Variants in RHOBTB2 observed in about 807,000 individuals in gnomAD.
RHOBTB2 encodes the protein Rho related BTB domain containing 2, also known as rho-related BTB domain-containing protein 2.
A neutral mutation model predicts 66.5 loss-of-function variants in RHOBTB2; 39 were observed. The ratio of observed to expected loss-of-function variants is 0.59; its 90% confidence interval spans 0.45 to 0.77. RHOBTB2 has a LOEUF of 0.77. Ranked by LOEUF, RHOBTB2 falls within the 30% of genes least tolerant of loss-of-function variation. The pLI is 0.00. For synonymous variants in RHOBTB2, 390 were observed against 395.0 expected (o/e 0.99, Z 0.15); for missense variants, 755 against 999.1 (o/e 0.76, Z 3.29).
At chr8:22,964,819 TA>T in the RHOBTB2 span, among the ~76,000 whole-genome samples, 2 of 128,046 alleles carry the variant, frequency 1.6e-5, no homozygotes, top group Non-Finnish European at 1.8e-5. Flanking sequence ...TTTATTTATT[TA>T]TTTATTTATT....
chr8:22,996,992 G>A (rs972689161), upstream of RHOBTB2, among the ~76,000 whole-genome samples: 1 of 152,292 alleles, frequency 6.6e-6, no homozygotes, highest in Non-Finnish European at 1.5e-5. Flanking sequence ...TGGCTGGGAA[G>A]AGGCCTGGTT....
rs1810897560 is a variant in RHOBTB2, at chr8:23,004,741, A to T, written c.192+115A>T. The T allele has an allele frequency of 2.9e-6, 3 of 1,025,582 alleles. No homozygotes were observed. The highest frequency in any genetic ancestry group is 4.3e-6 in the Non-Finnish European group (3 of 694,962). 63.5% of individuals were successfully genotyped at this position (1,025,582 alleles called of 1,614,324 possible). ...CACGGGAGCCCTCTAGGGGTGGGAC[A>T]GGATGGGTTGGGGGCAGCTGAAGAG... On this transcript the variant is annotated intron_variant, in intron 2 of 9. Transcript: ENST00000251822. The surrounding 1 kb of genome is among the most constrained non-coding windows in gnomAD (Gnocchi z 6.4).
chr8:23,007,273 C>T lies in RHOBTB2; in HGVS notation c.1028C>T (p.Ala343Val). The T allele has an allele frequency of 1.2e-6, 2 of 1,613,396 alleles. No individual in the cohort carries two copies. Among genetic ancestry groups the T allele is most frequent in the Non-Finnish European group, 1.7e-6 (2 of 1,179,984 alleles). Residue 343 changes from alanine (A) to valine (V), a missense_variant, in exon 5 of 10, where the codon GCC (alanine) becomes GTC (valine). This residue lies in a region of RHOBTB2 where 247 missense variants were observed against 238.9 expected (regional missense o/e 1.03). Coordinates refer to ENST00000251822, the MANE Select transcript of RHOBTB2 (RefSeq NM_015178.3). ...HHGRDFLLRAASFDVCESVDE... is the reference protein window; with the variant it reads ...HHGRDFLLRAVSFDVCESVDE... ...GGGCGAGACTTCCTGCTCCGAGCAG[C>T]CAGCTTTGACGTGTGCGAGAGCGTG...
chr8:22,998,929 G>A (rs1810664556), upstream of RHOBTB2: 1 of 152,184 alleles, frequency 6.6e-6, no homozygotes, highest in Middle Eastern at 3.1e-3. Flanking sequence ...TCAGAGATTA[G>A]CAGCTATTAC....
the RHOBTB2 span, among the ~76,000 whole-genome samples, chr8:22,962,179 CAAAAAAAAAAAAAAAA>C: frequency 1.4e-4 from 2 of 13,836 alleles, no homozygotes; most frequent in East Asian, 3.9e-3. Flanking sequence ...AACGAATTTA[CAAAAAAAAAAAAAAAA>C]AAAAAAAAAA....
At chr8:23,007,893 C>T in intron 5 of RHOBTB2, 100 bp from the exon 6 acceptor site, 2 of 1,484,544 alleles carry the variant, frequency 1.3e-6, no homozygotes, top group Non-Finnish European at 1.9e-6. Flanking sequence ...TGTTCCGTGC[C>T]CCGAATCTTC....
rs1811342897 is a variant in RHOBTB2 at position 23,017,885 on chromosome 8, C to T, written c.*416C>T. ...CCTCGAGGGTCCTGCCCCTGTTGGC[C>T]ATATCTTTCCACCGACGGACTTGAG... On this transcript the variant is annotated 3_prime_UTR_variant, in exon 10 of 10. Transcript: ENST00000251822. This position sits in a 1 kb window ranked among gnomAD's most constrained non-coding sequence, Gnocchi z 5.3. 1 of 188,300 alleles carries T rather than the reference C, an allele frequency of 5.3e-6. No homozygotes were observed. The highest frequency in any genetic ancestry group is 1.2e-4 in the South Asian group (1 of 8,562). The allele number at this position is 188,300 out of a possible 1,614,324, so 11.7% of individuals were successfully genotyped here. A position where few individuals can be genotyped will look rare whatever the true frequency, so the allele number is the denominator to read the frequency against.
chr8:22,955,564 C>CTT, the RHOBTB2 span, among the ~76,000 whole-genome samples: 1,136 of 103,748 alleles, frequency 0.011, 4 homozygotes, highest in African/African-American at 0.015. Flanking sequence ...TTCAATAAAT[C>CTT]TTTTTTTTTT....
chr8:22,979,597 G>C, the RHOBTB2 span, among the ~76,000 whole-genome samples: 2 of 151,688 alleles, frequency 1.3e-5, no homozygotes, highest in African/African-American at 4.8e-5. Context: ...ACTATCACTA[G>C]TGTTTATGAC....
At chr8:22,981,816 C>T in the RHOBTB2 span, among the ~76,000 whole-genome samples, 19 of 152,296 alleles carry the variant, frequency 1.2e-4, no homozygotes, top group South Asian at 4.1e-4. Context: ...CTTTTCCAGA[C>T]GAGTTTAGGG....
In RHOBTB2 at chr8:23,004,884, A is replaced by G; in HGVS notation, c.192+258A>G. On this transcript the variant is annotated intron_variant, in intron 2 of 9. Transcript: ENST00000251822. The surrounding 1 kb of genome is among the most constrained non-coding windows in gnomAD (Gnocchi z 6.4). Reference sequence around the variant, plus strand: ...ACTCCATCTTTGTCTGGGGTACCGCATTGTATGTAGTCACAGCCTTAAGTA... The same window carrying G: ...ACTCCATCTTTGTCTGGGGTACCGCGTTGTATGTAGTCACAGCCTTAAGTA... 1.8e-6 allele frequency: 1 copy of G among 551,928 alleles called. No homozygotes were observed. The highest frequency in any genetic ancestry group is 3.3e-6 in the Non-Finnish European group (1 of 306,046). The allele number at this position is 551,928 out of a possible 1,614,324, so 34.2% of individuals were successfully genotyped here.
At chr8:22,993,084 C>A (rs1810463830) in intron 2 of RHOBTB2, among the ~76,000 whole-genome samples, 1 of 152,220 alleles carries the variant, frequency 6.6e-6, no homozygotes, top group African/African-American at 2.4e-5. Context: ...CTGTTCTGGG[C>A]TTCATTTTTC....
rs1410818115 is a variant in RHOBTB2 at position 22,999,961 on chromosome 8, C to G, written c.-155C>G. On this transcript the variant is annotated 5_prime_UTR_variant, in exon 1 of 10. Transcript: ENST00000251822. ...GAGTGGCCGCGAGCTGGCCGGGAGG[C>G]TGGAGCCCAGCAGCAGCGCGGCGGC... The G allele has an allele frequency of 1.0e-6, 1 of 985,430 alleles. No individual in the cohort carries two copies. 61.0% of individuals were successfully genotyped at this position (985,430 alleles called of 1,614,324 possible).
At chr8:22,985,356 TCTC>T (rs752774242), upstream of RHOBTB2, among the ~76,000 whole-genome samples, 7 of 152,192 alleles carry the variant, frequency 4.6e-5, no homozygotes, top group Non-Finnish European at 1.0e-4. Flanking sequence ...TTTAAATGAA[TCTC>T]CTTTGTGCTC....
chr8:22,960,891 A>G, the RHOBTB2 span, among the ~76,000 whole-genome samples: 22,045 of 152,150 alleles, frequency 0.14, 1,966 homozygotes, highest in Non-Finnish European at 0.19. Flanking sequence ...AAGCCTGCCA[A>G]ATGTGACCTG....
At chr8:23,014,582 C>T in intron 7 of RHOBTB2, 108 bp from the exon 8 acceptor site, 2 of 1,002,056 alleles carry the variant, frequency 2.0e-6, no homozygotes, top group South Asian at 1.4e-5. Context: ...TCCGGACCTG[C>T]CCGGGCCCTG....
At chr8:23,012,378 A>G (rs1811172468) in intron 7 of RHOBTB2, among the ~76,000 whole-genome samples, 1 of 152,240 alleles carries the variant, frequency 6.6e-6, no homozygotes, top group South Asian at 2.1e-4. Context: ...ATTGAAAATA[A>G]TGTTAAGTAA....
At chr8:22,955,903 G>C in the RHOBTB2 span, among the ~76,000 whole-genome samples, 1 of 152,044 alleles carries the variant, frequency 6.6e-6, no homozygotes, top group Middle Eastern at 3.2e-3. Context: ...CTCTGCGCTG[G>C]GTATAGAGGA....
At chr8:23,014,265 A>C (rs969374926) in intron 7 of RHOBTB2, among the ~76,000 whole-genome samples, 1 of 152,222 alleles carries the variant, frequency 6.6e-6, no homozygotes, top group East Asian at 1.9e-4. Flanking sequence ...TTTTTTACAA[A>C]ATTTAAATTA....
Sources: gnomAD v4.1 joint callset for allele counts (sites outside exome capture counted in the v4.1 genomes callset) on GRCh38, gnomAD v4.1.1 for gene constraint, gnomAD v4.1.1 regional missense constraint, Gnocchi (gnomAD v3.1) non-coding constraint, MANE v1.5 for transcripts, NCBI Gene and HGNC (gene_info 2026-07-23, HGNC 2026-07-21) for gene names.